CACNA1E: variants seen among roughly 807,000 people sequenced by gnomAD.
The protein encoded by CACNA1E is voltage-dependent R-type calcium channel subunit alpha-1E.
CACNA1E carries 40 observed loss-of-function variants against 259.2 expected under a neutral mutation model. That is an observed-to-expected ratio of 0.15 (90% CI 0.12 to 0.20). The LOEUF (loss-of-function observed/expected upper bound fraction) is 0.20, where lower values mean the gene tolerates loss of function less well. Among genes scored for constraint, CACNA1E ranks in the 10% least tolerant of loss-of-function variants. The pLI, the probability that CACNA1E is intolerant of heterozygous loss-of-function variation, is 1.00. For synonymous variants in CACNA1E, 1,104 were observed against 1,138.5 expected, an observed-to-expected ratio of 0.97 and a Z score of 0.61; for missense variants, 1,874 against 3,040.1, an observed-to-expected ratio of 0.62 and a Z score of 9.02.
chr1:181,728,536 G>T (rs749665792), intron 18 of CACNA1E, among the ~76,000 whole-genome samples: 7 of 151,474 alleles, frequency 4.6e-5, no homozygotes, highest in Admixed American at 2.0e-4. Flanking sequence ...CTCTGCTCAG[G>T]TATGTACCCT....
At chr1:181,334,931 T>C (rs1651579409) in intron 1 of CACNA1E, among the ~76,000 whole-genome samples, 1 of 152,188 alleles carries the variant, frequency 6.6e-6, no homozygotes, top group African/African-American at 2.4e-5. Context: ...ACCGCTTATC[T>C]CCCTGGACTG....
intron 3 of CACNA1E, among the ~76,000 whole-genome samples, chr1:181,536,777 G>C (rs140101344): frequency 1.3e-5 from 2 of 152,212 alleles, no homozygotes; most frequent in African/African-American, 4.8e-5. Flanking sequence ...AGCACTTCCT[G>C]TTCCTCTCAG....
At chr1:181,535,835 G>A (rs1177236717) in intron 3 of CACNA1E, among the ~76,000 whole-genome samples, 1 of 151,930 alleles carries the variant, frequency 6.6e-6, no homozygotes, top group African/African-American at 2.4e-5. Flanking sequence ...TTACAGGCAT[G>A]CACTATCACC....
intron 3 of CACNA1E, among the ~76,000 whole-genome samples, chr1:181,540,325 C>G (rs1194268384): frequency 1.3e-5 from 2 of 152,096 alleles, no homozygotes; most frequent in African/African-American, 4.8e-5. Context: ...TCTCTGTGCT[C>G]TATGGCAACA....
chr1:181,333,813 G>A (rs369565772), intron 1 of CACNA1E, among the ~76,000 whole-genome samples: 1 of 151,980 alleles, frequency 6.6e-6, no homozygotes, highest in Non-Finnish European at 1.5e-5. Flanking sequence ...GTACCACCAC[G>A]CCCGGCTAAT....
chr1:181,605,981 A>G (rs575070263), intron 6 of CACNA1E, among the ~76,000 whole-genome samples: 2 of 152,140 alleles, frequency 1.3e-5, no homozygotes, highest in Non-Finnish European at 2.9e-5. Context: ...TCTCAGTGGC[A>G]TTCAACACGG....
chr1:181,750,724 C>G (rs1313812238), intron 26 of CACNA1E, among the ~76,000 whole-genome samples: 1 of 152,036 alleles, frequency 6.6e-6, no homozygotes, highest in Non-Finnish European at 1.5e-5. Flanking sequence ...GACAGATGAG[C>G]CTAATGCAGT....
At chr1:181,692,839 T>C (rs1243834061) in intron 7 of CACNA1E, among the ~76,000 whole-genome samples, 1 of 151,992 alleles carries the variant, frequency 6.6e-6, no homozygotes, top group Non-Finnish European at 1.5e-5. Context: ...AAAGAAGTTA[T>C]CAACAGAGTA....
chr1:181,545,272 C>T (rs933539403), intron 3 of CACNA1E, among the ~76,000 whole-genome samples: 15 of 152,200 alleles, frequency 9.9e-5, no homozygotes, highest in Admixed American at 2.0e-4. Flanking sequence ...AAAGAAATAA[C>T]AGAAAATATT....
intron 2 of CACNA1E, among the ~76,000 whole-genome samples, chr1:181,422,332 T>A (rs1358922480): frequency 6.6e-6 from 1 of 152,208 alleles, no homozygotes; most frequent in Non-Finnish European, 1.5e-5. Flanking sequence ...TATTTGTGAA[T>A]GAATATTTAT....
intron 2 of CACNA1E, among the ~76,000 whole-genome samples, chr1:181,452,604 C>T (rs1661227752): frequency 6.6e-6 from 1 of 152,172 alleles, no homozygotes; most frequent in African/African-American, 2.4e-5. Flanking sequence ...CTATGTCAGC[C>T]TGTTTTGGAA....
At chr1:181,719,939 T>A in intron 13 of CACNA1E, 76 bp downstream of exon 13, 3 of 886,288 alleles carry the variant, frequency 3.4e-6, no homozygotes, top group Admixed American at 2.3e-5. Context: ...TTTTCTTCCA[T>A]CTTCTCTTTC....
chr1:181,745,123 G>A (rs1194435079), intron 25 of CACNA1E, among the ~76,000 whole-genome samples: 1 of 152,150 alleles, frequency 6.6e-6, no homozygotes, highest in African/African-American at 2.4e-5. Context: ...CAGAGTGGCA[G>A]CCACATGGAG....
chr1:181,497,594 A>AC (rs1166825144), intron 1 of CACNA1E, among the ~76,000 whole-genome samples: 1 of 152,184 alleles, frequency 6.6e-6, no homozygotes, highest in East Asian at 1.9e-4. Flanking sequence ...ATTTAATCCA[A>AC]CCCCGGGTGA....
At chr1:181,692,039 A>T (rs1651215468) in intron 7 of CACNA1E, among the ~76,000 whole-genome samples, 1 of 152,154 alleles carries the variant, frequency 6.6e-6, no homozygotes, top group African/African-American at 2.4e-5. Context: ...ACTGAGAGCC[A>T]AATCAAGAAC....
intron 6 of CACNA1E, among the ~76,000 whole-genome samples, chr1:181,625,539 G>A (rs1222620667): frequency 6.6e-6 from 1 of 152,052 alleles, no homozygotes; most frequent in Non-Finnish European, 1.5e-5. Context: ...TCAACCTCGT[G>A]GACCAAGCTC....
intron 7 of CACNA1E, among the ~76,000 whole-genome samples, chr1:181,699,825 C>A (rs1246254458): frequency 6.6e-6 from 1 of 151,934 alleles, no homozygotes; most frequent in African/African-American, 2.4e-5. Flanking sequence ...GGAAAATGAC[C>A]CCTAACTTGG....
rs533604876 is a variant in CACNA1E at position 181,793,513 on chromosome 1, A to AAC, written c.5899-140_5899-139dup. 3.2e-3 allele frequency among the ~76,000 whole-genome samples: 483 copies of AAC among 152,226 alleles called. 4 individuals are homozygous for AAC. The highest frequency in any genetic ancestry group is 0.01 in the African/African-American group (420 of 41,544). On this transcript the variant is annotated intron_variant, in intron 44 of 47. Coordinates refer to ENST00000367573, the MANE Select transcript of CACNA1E (RefSeq NM_001205293.3). ...AACATATAGCACATAGGTGCACATA[A>AAC]ACACACACACACATATACATACAAC...
chr1:181,544,621 G>GA (rs1053411756), intron 3 of CACNA1E, among the ~76,000 whole-genome samples: 3 of 152,176 alleles, frequency 2.0e-5, no homozygotes, highest in Non-Finnish European at 4.4e-5. Context: ...GGTGCAAGCT[G>GA]AAAATTTAGA....
Sources: allele counts gnomAD v4.1 joint callset (sites outside exome capture counted in the v4.1 genomes callset), GRCh38; gene constraint gnomAD v4.1.1; transcripts MANE v1.5; gene names NCBI Gene and HGNC (gene_info 2026-07-23, HGNC 2026-07-21).